HAVCR1: variants seen among roughly 807,000 people sequenced by gnomAD.
HAVCR1 encodes the protein T cell immunoglobin domain and mucin domain protein 1.
A neutral mutation model predicts 32.0 loss-of-function variants in HAVCR1; 34 were observed. That is an observed-to-expected ratio of 1.06 (90% CI 0.81 to 1.42). HAVCR1 has a LOEUF of 1.42. Among genes scored for constraint, HAVCR1 ranks in the 40% most tolerant of loss-of-function variants. The pLI is 0.00. For missense variants in HAVCR1, 420 were observed against 442.3 expected, an observed-to-expected ratio of 0.95 and a Z score of 0.45; for synonymous variants, 178 against 170.3, an observed-to-expected ratio of 1.05 and a Z score of -0.35.
At position 157,058,365 on chromosome 5, in the gene HAVCR1, C is replaced by A. The variant is rs34819868; in HGVS notation, c.-12-410G>T. 1,093 of 158,408 alleles carry A rather than the reference C, an allele frequency of 6.9e-3. 4 individuals are homozygous for A. Among genetic ancestry groups the A allele is most frequent in the Non-Finnish European group, 0.011 (784 of 71,970 alleles). 9.8% of individuals were successfully genotyped at this position (158,408 alleles called of 1,614,324 possible). On this transcript the variant is annotated intron_variant, in intron 1 of 8. Coordinates refer to ENST00000523175, the MANE Select transcript of HAVCR1 (RefSeq NM_001173393.3). ...GATCACGAAGTCAGGAGATCGAGAC[C>A]ATCCTGGCTAAAAGGGTGAAACCCC...
At chr5:157,059,518 T>C (rs1441266251), upstream of HAVCR1, among the ~76,000 whole-genome samples, 1 of 151,704 alleles carries the variant, frequency 6.6e-6, no homozygotes, top group East Asian at 1.9e-4. Context: ...CTACTAAAAA[T>C]ACAAAAATTA....
At chr5:157,034,020 C>A (rs1199970560) in intron 7 of HAVCR1, among the ~76,000 whole-genome samples, 1 of 152,166 alleles carries the variant, frequency 6.6e-6, no homozygotes, top group East Asian at 1.9e-4. Context: ...GCCAGCCCCT[C>A]CACACCTGTG....
intron 4 of HAVCR1, 74 bp downstream of exon 4, chr5:157,052,287 C>G (rs1755781601): frequency 2.2e-6 from 3 of 1,344,188 alleles, no homozygotes; most frequent in Non-Finnish European, 3.2e-6. Flanking sequence ...GTCCTTCTAC[C>G]TTGATACAAT....
chr5:157,057,670 C>T (rs1251171905), intron 2 of HAVCR1, among the ~76,000 whole-genome samples: 1 of 152,194 alleles, frequency 6.6e-6, no homozygotes, highest in Non-Finnish European at 1.5e-5. Context: ...TGCATCTTGC[C>T]TTGTTCATTT....
At chr5:157,032,971 G>T in intron 7 of HAVCR1, 84 bp from the exon 8 acceptor site, 1 of 853,158 alleles carries the variant, frequency 1.2e-6, no homozygotes, top group Non-Finnish European at 1.9e-6. Flanking sequence ...TCAATCAAGT[G>T]TATTATTTCT....
rs750200575 is a variant in HAVCR1, at chr5:157,055,521, C to A, written c.59G>T (p.Gly20Val). 3.8e-6 allele frequency: 6 copies of A among 1,567,364 alleles called. No individual in the cohort carries two copies. The highest frequency in any genetic ancestry group is 5.2e-6 in the Non-Finnish European group (6 of 1,153,158). Reference sequence around the variant, plus strand: ...TGCCTCTCCACCAACCTTTACAGAACCAGCTACAGAATCTGCAAAGAAGAA... The same window carrying A: ...TGCCTCTCCACCAACCTTTACAGAAACAGCTACAGAATCTGCAAAGAAGAA... ...LILHLADSVA[G>V]SVKVGGEAGP... The change falls in exon 3 of 9, where the codon GGT becomes GTT. Residue 20 changes from glycine to valine, a missense_variant. Physicochemically the swap from Gly to Val is moderately radical, Grantham distance 109. Coordinates refer to ENST00000523175, the MANE Select transcript of HAVCR1 (RefSeq NM_001173393.3).
At chr5:157,065,063 C>A in the HAVCR1 span, among the ~76,000 whole-genome samples, 1 of 152,122 alleles carries the variant, frequency 6.6e-6, no homozygotes, top group Admixed American at 6.5e-5. Context: ...TGCGGTGGCT[C>A]ACGCCTGTAA....
intron 8 of HAVCR1, among the ~76,000 whole-genome samples, chr5:157,032,591 C>A (rs1398695110): frequency 6.6e-6 from 1 of 152,178 alleles, no homozygotes; most frequent in African/African-American, 2.4e-5. Flanking sequence ...TTCCATCGAG[C>A]AAATCTTGCA....
chr5:157,042,857 T>C (rs1482584406), intron 5 of HAVCR1, among the ~76,000 whole-genome samples, 175 bp from the exon 6 acceptor site: 2 of 152,238 alleles, frequency 1.3e-5, no homozygotes, highest in Non-Finnish European at 2.9e-5. Context: ...TAATTTCTCC[T>C]GTAAAGTTGT....
intron 7 of HAVCR1, among the ~76,000 whole-genome samples, chr5:157,035,271 C>G (rs972657304): frequency 6.6e-5 from 10 of 152,072 alleles, no homozygotes; most frequent in African/African-American, 2.4e-4. Flanking sequence ...ATAACTTTGA[C>G]TAAGCAAGCT....
intron 6 of HAVCR1, among the ~76,000 whole-genome samples, chr5:157,039,460 T>C (rs1441691296): frequency 6.6e-6 from 1 of 152,168 alleles, no homozygotes; most frequent in Non-Finnish European, 1.5e-5. Flanking sequence ...GCGATTCTCC[T>C]GCCTCAGCCT....
At chr5:157,049,985 C>T (rs941968888) in intron 4 of HAVCR1, among the ~76,000 whole-genome samples, 1 of 152,162 alleles carries the variant, frequency 6.6e-6, no homozygotes, top group African/African-American at 2.4e-5. Context: ...TCACTTGCCT[C>T]TTCACAAAGC....
rs1396307561 is a variant in HAVCR1 at position 157,057,901 on chromosome 5, C to A, written c.43G>T (p.Ala15Ser). The A allele has an allele frequency of 6.2e-7, 1 of 1,613,204 alleles. No homozygotes were observed. Among genetic ancestry groups the A allele is most frequent in the Non-Finnish European group, 8.5e-7 (1 of 1,179,312 alleles). Residue 15 changes from alanine (A) to serine (S), a missense_variant, in exon 2 of 9, where the codon GCA (alanine) becomes TCA (serine). Transcript: ENST00000523175. ...VVILSLILHL[A>S]DSVAGSVKVG... ...CCCAGGGCACCTACTCACTTACCTG[C>A]CAGATGTAGGATGAGGCTTAAGATG...
rs899259103 is a variant in HAVCR1 at position 157,032,861 on chromosome 5, G to A, written c.979C>T (p.Gln327Ter). 1 of 1,573,596 alleles carries A rather than the reference G, an allele frequency of 6.4e-7. No homozygotes were observed. The highest frequency in any genetic ancestry group is 1.4e-5 in the African/African-American group (1 of 74,006). The part of the protein sequence containing the change: ...KKYFFKKEVQ[Q>*]LSVSFSSLQI... ...AAATATTTTCGAGCTTACCTTAGTT[G>A]TTGAACCTCCTTTTTGAAGAAATAC... The change falls in exon 8 of 9, where the codon CAA (glutamine) becomes TAA (stop). Residue 327 changes from glutamine to a stop codon, truncating the protein, a stop_gained. Coordinates refer to ENST00000523175, the MANE Select transcript of HAVCR1 (RefSeq NM_001173393.3). LOFTEE classifies it low-confidence loss of function (END_TRUNC).
chr5:157,043,008 A>G (rs1196654627), intron 5 of HAVCR1, among the ~76,000 whole-genome samples: 3 of 152,224 alleles, frequency 2.0e-5, no homozygotes, highest in African/African-American at 7.2e-5. Flanking sequence ...GAACCAGGTT[A>G]AGAATGCCAT....
Position 157,029,662 on chromosome 5 carries a change from G to C in HAVCR1, c.*71C>G, listed in dbSNP as rs571014946. On this transcript the variant is annotated 3_prime_UTR_variant, in exon 9 of 9. Transcript: ENST00000523175. ...AAAATTGTCTTGGGGTCTAAAAGAC[G>C]TCTGATGTGCTGATGTCTGTTCAGT... 1.9e-6 allele frequency: 3 copies of C among 1,602,272 alleles called. No individual in the cohort carries two copies. Among genetic ancestry groups the C allele is most frequent in the Non-Finnish European group, 1.7e-6 (2 of 1,175,224 alleles).
Position 157,055,462 on chromosome 5 carries a change from C to T in HAVCR1, c.118G>A (p.Gly40Arg). The change falls in exon 3 of 9, where the codon GGA becomes AGA. Residue 40 changes from glycine (G) to arginine (R), a missense_variant. Coordinates refer to ENST00000523175, the MANE Select transcript of HAVCR1 (RefSeq NM_001173393.3). ...PSVTLPCHYS[G>R]AVTSMCWNRG... ...TTCCAGCACATGGATGTGACAGCTC[C>T]ACTGTAGTGGCAGGGTAGTGTGACA... 1 of 1,611,064 alleles carries T rather than the reference C, an allele frequency of 6.2e-7. No individual in the cohort carries two copies. The highest frequency in any genetic ancestry group is 1.1e-5 in the South Asian group (1 of 90,940).
intron 7 of HAVCR1, among the ~76,000 whole-genome samples, chr5:157,034,432 T>C (rs1754406145): frequency 6.6e-6 from 1 of 151,812 alleles, no homozygotes; most frequent in African/African-American, 2.4e-5. Flanking sequence ...TTCTTCTATC[T>C]CAGTAAATAG....
the HAVCR1 span, among the ~76,000 whole-genome samples, chr5:157,066,024 C>T: frequency 1.0e-3 from 137 of 136,222 alleles, 1 homozygote; most frequent in African/African-American, 3.7e-3. Flanking sequence ...CCACTGCACT[C>T]CAGCCTGGGC....
Sources: allele counts gnomAD v4.1 joint callset (sites outside exome capture counted in the v4.1 genomes callset), GRCh38; gene constraint gnomAD v4.1.1; transcripts MANE v1.5; gene names NCBI Gene and HGNC (gene_info 2026-07-23, HGNC 2026-07-21).